The following RARB variants were observed in gnomAD, a reference collection of about 807,000 sequenced individuals.
RARB encodes HBV-activated protein.
In RARB, 17 loss-of-function variants were observed where a neutral mutation model predicts 51.9. The ratio of observed to expected loss-of-function variants is 0.33; its 90% CI spans 0.22 to 0.49. RARB has a LOEUF of 0.49. Among genes scored for constraint, RARB ranks in the 20% least tolerant of loss-of-function variants. The pLI is 0.99. For missense variants in RARB, 369 were observed against 550.8 expected (o/e 0.67, Z 3.30); for synonymous variants, 215 against 195.4 (o/e 1.10, Z -0.84).
At chr3:25,075,131 A>G (rs1346459745) in intron 3 of RARB, among the ~76,000 whole-genome samples, 1 of 152,220 alleles carries the variant, frequency 6.6e-6, no homozygotes, top group Non-Finnish European at 1.5e-5. Context: ...AACACAGTCT[A>G]AGATGCAGAT....
At chr3:24,905,965 C>A (rs1168017380) in intron 2 of RARB, among the ~76,000 whole-genome samples, 8 of 152,168 alleles carry the variant, frequency 5.3e-5, no homozygotes, top group Admixed American at 5.2e-4. Flanking sequence ...ACAGTGAACT[C>A]TTTGATATTG....
At chr3:25,549,645 TA>T (rs1699765946) in intron 3 of RARB, among the ~76,000 whole-genome samples, 1 of 152,134 alleles carries the variant, frequency 6.6e-6, no homozygotes, top group Admixed American at 6.5e-5. Context: ...CACCTCATTT[TA>T]AGAGGGAAGT....
At chr3:25,407,353 AC>A (rs1482468668) in intron 5 of RARB, among the ~76,000 whole-genome samples, 1 of 152,232 alleles carries the variant, frequency 6.6e-6, no homozygotes, top group African/African-American at 2.4e-5. Context: ...GGACAATGTA[AC>A]TAAAATTCAG....
At chr3:24,866,215 C>G (rs1702845048) in intron 2 of RARB, among the ~76,000 whole-genome samples, 3 of 152,058 alleles carry the variant, frequency 2.0e-5, no homozygotes, top group Admixed American at 2.0e-4. Context: ...TCCATTTTAC[C>G]AGTCCTAACG....
intron 4 of RARB, among the ~76,000 whole-genome samples, chr3:25,135,248 A>G (rs933606580): frequency 1.3e-5 from 2 of 151,966 alleles, no homozygotes; most frequent in African/African-American, 4.8e-5. Flanking sequence ...TTTAAATTTT[A>G]TTTAATGTTA....
chr3:25,327,947 GA>G (rs1432114443), intron 5 of RARB, among the ~76,000 whole-genome samples: 1 of 152,124 alleles, frequency 6.6e-6, no homozygotes, highest in Non-Finnish European at 1.5e-5. Context: ...ATTTGTGTGA[GA>G]AATAAAACAA....
At chr3:25,270,276 T>C (rs73047879) in intron 5 of RARB, among the ~76,000 whole-genome samples, 15,403 of 152,206 alleles carry the variant, frequency 0.1, 997 homozygotes, top group South Asian at 0.26. Flanking sequence ...GCGGTCTGTA[T>C]GTACAACAGA....
In RARB at chr3:25,231,084, T is replaced by G. The variant is rs543239441; in HGVS notation, c.178+56509T>G. Among the ~76,000 whole-genome samples the G allele has an allele frequency of 1.6e-4, 25 of 152,204 alleles. No individual in the cohort carries two copies. In the South Asian group the frequency reaches 5.2e-3, roughly 32 times the overall value. ...TAAGTTTGTTTTATTGGCTTGGAGCTCCTGAGGATAATCCCTCCTTAAACA... is the reference window on the plus strand; with the variant it reads ...TAAGTTTGTTTTATTGGCTTGGAGCGCCTGAGGATAATCCCTCCTTAAACA... On this transcript the variant is annotated intron_variant, in intron 5 of 11. Coordinates refer to the RARB transcript ENST00000383772.
chr3:25,284,986 C>A (rs769880536), intron 5 of RARB, among the ~76,000 whole-genome samples: 59 of 152,244 alleles, frequency 3.9e-4, no homozygotes, highest in Non-Finnish European at 7.8e-4. Flanking sequence ...GATAGGTGCC[C>A]TGATATTGTT....
intron 4 of RARB, among the ~76,000 whole-genome samples, chr3:25,152,138 C>T (rs1700297182): frequency 6.6e-6 from 1 of 152,094 alleles, no homozygotes; most frequent in South Asian, 2.1e-4. Context: ...ATTCTATAAG[C>T]CAGAACACCA....
intron 5 of RARB, among the ~76,000 whole-genome samples, chr3:25,321,048 C>CT (rs1171279385): frequency 1.3e-5 from 2 of 152,190 alleles, no homozygotes; most frequent in African/African-American, 4.8e-5. Flanking sequence ...TTTCGGAGCA[C>CT]TTTTTTTCCA....
intron 5 of RARB, among the ~76,000 whole-genome samples, chr3:25,590,629 C>T (rs1368791807): frequency 6.6e-6 from 1 of 152,130 alleles, no homozygotes; most frequent in Non-Finnish European, 1.5e-5. Flanking sequence ...AAGAGATTCT[C>T]CAACCTCAGC....
intron 5 of RARB, among the ~76,000 whole-genome samples, chr3:25,333,496 C>T (rs1193195803): frequency 6.6e-5 from 10 of 152,004 alleles, no homozygotes; most frequent in Non-Finnish European, 5.9e-5. Flanking sequence ...GAAACTGGAT[C>T]CCTTCCTTAC....
intron 5 of RARB, among the ~76,000 whole-genome samples, chr3:25,240,803 T>C (rs1263684601): frequency 6.6e-6 from 1 of 152,140 alleles, no homozygotes; most frequent in East Asian, 1.9e-4. Flanking sequence ...TTTTTTGTTG[T>C]TGTGTCTTTG....
intron 5 of RARB, among the ~76,000 whole-genome samples, chr3:25,418,012 G>A (rs993479957): frequency 2.0e-5 from 3 of 150,164 alleles, no homozygotes; most frequent in African/African-American, 7.6e-5. Context: ...GAGTTCTGCA[G>A]TATTCCACTT....
chr3:24,960,385 C>T (rs1029115180), intron 2 of RARB, among the ~76,000 whole-genome samples: 1 of 152,154 alleles, frequency 6.6e-6, no homozygotes, highest in Non-Finnish European at 1.5e-5. Context: ...CATTTTGTTT[C>T]CTAGGAAAAG....
chr3:25,156,265 A>G (rs1164276517), intron 4 of RARB, among the ~76,000 whole-genome samples: 1 of 152,156 alleles, frequency 6.6e-6, no homozygotes, highest in African/African-American at 2.4e-5. Context: ...TAGCTTTGTG[A>G]TCTTCTTTGT....
At chr3:25,504,084 C>T (rs1316288386) in intron 3 of RARB, among the ~76,000 whole-genome samples, 2 of 152,204 alleles carry the variant, frequency 1.3e-5, no homozygotes, top group African/African-American at 2.4e-5. Context: ...TGTCAGAATC[C>T]TTTAGATGAG....
chr3:24,996,615 C>G (rs1697046014), intron 2 of RARB, among the ~76,000 whole-genome samples: 1 of 152,032 alleles, frequency 6.6e-6, no homozygotes, highest in Non-Finnish European at 1.5e-5. Flanking sequence ...CTTAATATAG[C>G]TTTTGCTGTA....
Sources: gnomAD v4.1 joint callset for allele counts (sites outside exome capture counted in the v4.1 genomes callset) on GRCh38, gnomAD v4.1.1 for gene constraint, MANE v1.5 for transcripts, NCBI Gene and HGNC (gene_info 2026-07-23, HGNC 2026-07-21) for gene names.